The following ABCB11 variants were observed in gnomAD, a reference collection of about 807,000 sequenced individuals.
ABCB11 encodes the protein bile salt export pump.
A neutral mutation model predicts 148.0 loss-of-function variants in ABCB11; 95 were observed. That is an observed-to-expected ratio of 0.64 (90% confidence interval 0.54 to 0.76). The LOEUF is 0.76. ABCB11 is among the 30% of genes least tolerant of loss of function. The pLI, the probability that ABCB11 is intolerant of heterozygous loss-of-function variation, is 0.00. For synonymous variants in ABCB11, 591 were observed against 555.4 expected, an observed-to-expected ratio of 1.06 and a Z score of -0.90; for missense variants, 1,523 against 1,617.8, an observed-to-expected ratio of 0.94 and a Z score of 1.01.
intron 21 of ABCB11, among the ~76,000 whole-genome samples, chr2:168,942,851 T>A (rs532887659): frequency 6.6e-6 from 1 of 152,050 alleles, no homozygotes; most frequent in Non-Finnish European, 1.5e-5. Flanking sequence ...AAGTTAGTTC[T>A]AAGTATATAT....
At chr2:169,008,794 T>G (rs534435985) in intron 5 of ABCB11, among the ~76,000 whole-genome samples, 1 of 152,256 alleles carries the variant, frequency 6.6e-6, no homozygotes, top group South Asian at 2.1e-4. Context: ...CACTTAGACA[T>G]GTACCCAAGA....
At chr2:168,971,734 G>T in intron 14 of ABCB11, 113 bp downstream of exon 14, 2 of 1,006,780 alleles carry the variant, frequency 2.0e-6, no homozygotes, top group East Asian at 2.5e-5. Context: ...CTAAAACATG[G>T]CTTAAGAATT....
chr2:168,996,852 C>G, intron 5 of ABCB11, 130 bp from the exon 6 acceptor site: 1 of 238,152 alleles, frequency 4.2e-6, no homozygotes, highest in East Asian at 8.5e-5. Context: ...AATAAATATA[C>G]TATATATAGT....
intron 17 of ABCB11, among the ~76,000 whole-genome samples, chr2:168,968,143 G>A (rs902334490): frequency 1.4e-5 from 2 of 148,092 alleles, no homozygotes; most frequent in African/African-American, 5.1e-5. Flanking sequence ...TTTTTTAAAA[G>A]AAGTCCCCTT....
intron 10 of ABCB11, among the ~76,000 whole-genome samples, chr2:168,983,325 G>T (rs1002388008): frequency 5.3e-5 from 8 of 152,146 alleles, no homozygotes; most frequent in African/African-American, 1.9e-4. Context: ...TTTGGTAAAT[G>T]TCAAAGTTCT....
At chr2:168,964,370 G>C in intron 17 of ABCB11, 62 bp from the exon 18 acceptor site, 1 of 1,290,506 alleles carries the variant, frequency 7.7e-7, no homozygotes, top group Non-Finnish European at 1.1e-6. Context: ...AGGATCAACT[G>C]GTGTCCAAGT....
At chr2:169,016,942 T>A (rs1695377033) in intron 2 of ABCB11, 143 bp from the exon 3 acceptor site, 1 of 645,226 alleles carries the variant, frequency 1.5e-6, no homozygotes, top group Non-Finnish European at 2.8e-6. Flanking sequence ...ATTTGCCTTT[T>A]CTTTCTTCCT....
intron 21 of ABCB11, among the ~76,000 whole-genome samples, chr2:168,940,147 C>T (rs939838811): frequency 2.0e-4 from 30 of 152,054 alleles, no homozygotes; most frequent in African/African-American, 7.2e-4. Flanking sequence ...AGTCACACAT[C>T]TCTCACTTTA....
chr2:168,996,212 C>T (rs539627202), intron 6 of ABCB11, among the ~76,000 whole-genome samples: 1 of 152,064 alleles, frequency 6.6e-6, no homozygotes, highest in South Asian at 2.1e-4. Flanking sequence ...TAGATTCAGC[C>T]TTTCAGAATT....
At chr2:168,931,427 A>T (rs1691561816) in intron 24 of ABCB11, among the ~76,000 whole-genome samples, 1 of 152,246 alleles carries the variant, frequency 6.6e-6, no homozygotes, top group Non-Finnish European at 1.5e-5. Context: ...TAGAAAGATT[A>T]CAGAATTTAG....
rs1209599348 is a variant in ABCB11 at position 168,924,816 on chromosome 2, A to G, written c.3619-13T>C. 1.2e-6 allele frequency: 2 copies of G among 1,609,900 alleles called. No individual in the cohort carries two copies. The highest frequency in any genetic ancestry group is 1.1e-5 in the South Asian group (1 of 90,626). ...TAGTTTCATATTTCTGAAAAAAAGTATGATAAGTTTGAGAAATAGAAACAG... is the reference window on the plus strand; with the variant it reads ...TAGTTTCATATTTCTGAAAAAAAGTGTGATAAGTTTGAGAAATAGAAACAG... On this transcript the variant is annotated splice_polypyrimidine_tract_variant and intron_variant, in intron 26 of 27. Transcript: ENST00000650372.
At chr2:168,979,287 C>T (rs1018352554) in intron 11 of ABCB11, among the ~76,000 whole-genome samples, 2 of 151,950 alleles carry the variant, frequency 1.3e-5, no homozygotes, top group Non-Finnish European at 2.9e-5. Flanking sequence ...CTCTTACTTC[C>T]CACGCCCCAC....
rs1691451472 is a variant in ABCB11 at position 168,929,125 on chromosome 2, C to G, written c.3411+1540G>C. 2.0e-5 allele frequency among the ~76,000 whole-genome samples: 3 copies of G among 152,012 alleles called. No homozygotes were observed. The South Asian group carries it at 6.2e-4, about 32-fold the overall frequency. On this transcript the variant is annotated intron_variant, in intron 25 of 27. Coordinates refer to ENST00000650372, the MANE Select transcript of ABCB11 (RefSeq NM_003742.4). ...AAAATATAGGGATTAAACAATTAAT[C>G]AAGTATGAAGCAAAACAAAACATTT...
chr2:168,969,116 TAAAA>T (rs66474338), intron 16 of ABCB11, among the ~76,000 whole-genome samples: 1 of 140,114 alleles, frequency 7.1e-6, no homozygotes. Context: ...TGCGCAGGGT[TAAAA>T]AAAAAAAAAA....
intron 19 of ABCB11, among the ~76,000 whole-genome samples, chr2:168,948,791 T>C (rs1164529518): frequency 6.6e-6 from 1 of 151,744 alleles, no homozygotes; most frequent in Non-Finnish European, 1.5e-5. Context: ...TTTCTGAAAT[T>C]AATGTGATTT....
intron 5 of ABCB11, among the ~76,000 whole-genome samples, chr2:168,997,874 A>G (rs986147778): frequency 1.3e-5 from 2 of 152,016 alleles, no homozygotes; most frequent in Non-Finnish European, 1.5e-5. Context: ...CTGGGCTTAC[A>G]CTGCTTGGTC....
At chr2:168,973,300 G>GTATATA (rs3084001) in intron 13 of ABCB11, among the ~76,000 whole-genome samples, 3,614 of 151,508 alleles carry the variant, frequency 0.024, 139 homozygotes, top group African/African-American at 0.083. Flanking sequence ...AATTTAGATG[G>GTATATA]TATATATATA....
At position 168,944,649 on chromosome 2, in the gene ABCB11, C is replaced by T. The variant is rs1189254206; in HGVS notation, c.2566G>A (p.Ala856Thr). The stretch of plus-strand genomic sequence containing the variant: ...TCTGTAGCAAGTCTTGTTGTCAATG[C>T]TCCAGGGCTATTTCTGAGGTCATCA... ...WFDDLRNSPG[A>T]LTTRLATDAS... Residue 856 changes from alanine (A) to threonine (T), a missense_variant, in exon 21 of 28, where the codon GCA becomes ACA. Ala to Thr is a moderately conservative substitution (Grantham distance 58). Coordinates refer to ENST00000650372, the MANE Select transcript of ABCB11 (RefSeq NM_003742.4). The T allele has an allele frequency of 3.1e-6, 5 of 1,612,384 alleles. No homozygotes were observed. Among genetic ancestry groups the T allele is most frequent in the Non-Finnish European group, 4.2e-6 (5 of 1,179,076 alleles).
rs577695230 is a variant in ABCB11 at position 168,927,134 on chromosome 2, A to G, written c.3618+22T>C. ...TCCCCATCCTTGTCTCTCATAGGGA[A>G]TGGCTCTGACTTCGTACTCACCTCT... On this transcript the variant is annotated intron_variant, in intron 26 of 27. Transcript: ENST00000650372. 33 of 1,596,024 alleles carry G rather than the reference A, an allele frequency of 2.1e-5. No homozygotes were observed. In the Admixed American group the frequency reaches 5.3e-4, roughly 26 times the overall value.
Sources: gnomAD v4.1 joint callset for allele counts (sites outside exome capture counted in the v4.1 genomes callset) on GRCh38, gnomAD v4.1.1 for gene constraint, MANE v1.5 for transcripts, NCBI Gene and HGNC (gene_info 2026-07-23, HGNC 2026-07-21) for gene names.